The following RAB5C variants were observed in gnomAD, a reference collection of about 807,000 sequenced individuals.
RAB5C encodes ras-related protein Rab-5C.
A neutral mutation model predicts 25.2 loss-of-function variants in RAB5C; 4 were observed. The observed-to-expected ratio is 0.16, with a 90% CI of 0.08 to 0.36. RAB5C has a LOEUF of 0.36. RAB5C is among the 10% of genes least tolerant of loss of function. RAB5C has a pLI of 1.00. For synonymous variants in RAB5C, 100 were observed against 106.4 expected, an observed-to-expected ratio of 0.94 and a Z score of 0.37; for missense variants, 199 against 283.8, an observed-to-expected ratio of 0.70 and a Z score of 2.15.
At chr17:42,142,333 C>T (rs868828238) in intron 1 of RAB5C, among the ~76,000 whole-genome samples, 1 of 152,092 alleles carries the variant, frequency 6.6e-6, no homozygotes, top group Non-Finnish European at 1.5e-5. Context: ...CCGCGCCCAG[C>T]CCACAAAGCA....
Position 42,125,747 on chromosome 17 carries a change from C to CGGAGGA in RAB5C, c.*30_*35dup, listed in dbSNP as rs782139860. The CGGAGGA allele has an allele frequency of 2.7e-6, 4 of 1,461,296 alleles. No individual in the cohort carries two copies. Among genetic ancestry groups the CGGAGGA allele is most frequent in the Non-Finnish European group, 2.8e-6 (3 of 1,067,926 alleles). 90.5% of individuals were successfully genotyped at this position (1,461,296 alleles called of 1,614,324 possible). A position where few individuals can be genotyped will look rare whatever the true frequency, so the allele number is the denominator to read the frequency against. Reference sequence around the variant, plus strand: ...GTGGATTCCAGTCGGGTCATTCAGGCGGAGGAGGCGGGGGCAGCGGGCAGG... The same window carrying CGGAGGA: ...GTGGATTCCAGTCGGGTCATTCAGGCGGAGGAGGAGGAGGCGGGGGCAGCGGGCAGG... On this transcript the variant is annotated 3_prime_UTR_variant, in exon 6 of 6. Coordinates refer to ENST00000346213, the MANE Select transcript of RAB5C (RefSeq NM_004583.4).
At chr17:42,141,090 A>C (rs1401927520) in intron 1 of RAB5C, among the ~76,000 whole-genome samples, 1 of 152,152 alleles carries the variant, frequency 6.6e-6, no homozygotes, top group Non-Finnish European at 1.5e-5. Flanking sequence ...CAGCCTCCCA[A>C]AGTGCTGCGA....
At chr17:42,147,189 C>T (rs1244181574) in intron 1 of RAB5C, among the ~76,000 whole-genome samples, 2 of 151,680 alleles carry the variant, frequency 1.3e-5, no homozygotes, top group Non-Finnish European at 2.9e-5. Context: ...AAAGACCAGC[C>T]TCAAGGTGAG....
chr17:42,133,698 C>T (rs754067980), intron 1 of RAB5C, among the ~76,000 whole-genome samples: 10 of 152,232 alleles, frequency 6.6e-5, no homozygotes, highest in Non-Finnish European at 1.5e-4. Context: ...ACTTCTGAAT[C>T]ACTTTGTAGA....
intron 1 of RAB5C, among the ~76,000 whole-genome samples, chr17:42,151,972 C>T (rs543978509): frequency 4.6e-5 from 7 of 152,104 alleles, no homozygotes; most frequent in East Asian, 1.9e-4. Context: ...CAAACCAGGC[C>T]GAAGAAGGGC....
In RAB5C at chr17:42,125,418, A is replaced by C; in HGVS notation, c.*365T>G. The C allele has an allele frequency of 5.7e-6, 1 of 175,362 alleles. No individual in the cohort carries two copies. Among genetic ancestry groups the C allele is most frequent in the Non-Finnish European group, 1.2e-5 (1 of 82,244 alleles). The allele number at this position is 175,362 out of a possible 1,614,324, so 10.9% of individuals were successfully genotyped here. A position where few individuals can be genotyped will look rare whatever the true frequency, so the allele number is the denominator to read the frequency against. ...TGGGTCCGCTGTTCCGCAGGAGGGA[A>C]AGAAAGGGTAGCTGCACTGACCCCA... is the stretch of plus-strand genomic sequence containing the variant. On this transcript the variant is annotated 3_prime_UTR_variant, in exon 6 of 6. Coordinates refer to ENST00000346213, the MANE Select transcript of RAB5C (RefSeq NM_004583.4).
intron 1 of RAB5C, chr17:42,131,558 C>G (rs1326492140): frequency 6.7e-7 from 1 of 1,497,162 alleles, no homozygotes; most frequent in Admixed American, 2.0e-5. Context: ...AAAGTCATAG[C>G]TCTGCCACAG....
chr17:42,128,530 T>TGGGGGGGGGGGGGGGGG, intron 3 of RAB5C, 119 bp downstream of exon 3: 2 of 730,792 alleles, frequency 2.7e-6, no homozygotes, highest in Non-Finnish European at 4.1e-6. Context: ...ACAGGAAATC[T>TGGGGGGGGGGGGGGGGG]GCCCACCCCC....
At chr17:42,132,003 G>A (rs2054491270) in intron 1 of RAB5C, among the ~76,000 whole-genome samples, 2 of 152,200 alleles carry the variant, frequency 1.3e-5, no homozygotes, top group Non-Finnish European at 2.9e-5. Context: ...TTGCATAATG[G>A]AGTCTAAGAT....
intron 1 of RAB5C, among the ~76,000 whole-genome samples, chr17:42,145,183 GA>G (rs915136271): frequency 6.6e-6 from 1 of 151,614 alleles, no homozygotes; most frequent in African/African-American, 2.4e-5. Context: ...AAAAAAAACA[GA>G]AAAAGAAAAA....
intron 1 of RAB5C, among the ~76,000 whole-genome samples, chr17:42,132,029 G>A (rs767611025): frequency 2.0e-4 from 30 of 152,158 alleles, no homozygotes; most frequent in Non-Finnish European, 3.8e-4. Context: ...GGAGAGCCCC[G>A]ATCTGCCCCT....
chr17:42,153,392 G>A (rs2079684627), intron 1 of RAB5C, among the ~76,000 whole-genome samples: 2 of 152,146 alleles, frequency 1.3e-5, no homozygotes, highest in Admixed American at 1.3e-4. Context: ...ACTCCAGCCT[G>A]GGCGACAGAG....
At chr17:42,137,389 T>C (rs1455061246) in intron 1 of RAB5C, among the ~76,000 whole-genome samples, 1 of 151,582 alleles carries the variant, frequency 6.6e-6, no homozygotes, top group Non-Finnish European at 1.5e-5. Context: ...GAGTGTATAA[T>C]AATATAAAAA....
At chr17:42,143,529 C>A (rs910284685) in intron 1 of RAB5C, among the ~76,000 whole-genome samples, 1 of 151,986 alleles carries the variant, frequency 6.6e-6, no homozygotes, top group Non-Finnish European at 1.5e-5. Flanking sequence ...CCCAGCTACT[C>A]AGGAGGTTGA....
At chr17:42,128,852 A>G in intron 2 of RAB5C, 52 bp from the exon 3 acceptor site, 2 of 1,367,734 alleles carry the variant, frequency 1.5e-6, no homozygotes, top group East Asian at 2.7e-5. Context: ...AATCCACCCC[A>G]CACAATCCCA....
chr17:42,130,010 G>A (rs764964234), intron 2 of RAB5C, among the ~76,000 whole-genome samples: 7 of 152,212 alleles, frequency 4.6e-5, no homozygotes, highest in Non-Finnish European at 1.0e-4. Flanking sequence ...GTAAGAAGGG[G>A]CCTCAAAGAT....
intron 1 of RAB5C, among the ~76,000 whole-genome samples, chr17:42,146,932 G>C (rs2079638655): frequency 2.0e-5 from 3 of 151,768 alleles, no homozygotes; most frequent in Admixed American, 2.0e-4. Flanking sequence ...CATGAACCCG[G>C]GAGCTTGCAG....
chr17:42,146,276 C>A (rs1352590225), intron 1 of RAB5C, among the ~76,000 whole-genome samples: 4 of 152,122 alleles, frequency 2.6e-5, no homozygotes, highest in Non-Finnish European at 4.4e-5. Flanking sequence ...CTAAGGAAAT[C>A]TGAATAAAGG....
intron 1 of RAB5C, among the ~76,000 whole-genome samples, chr17:42,152,741 T>C (rs2079680173): frequency 6.7e-6 from 1 of 149,746 alleles, no homozygotes; most frequent in African/African-American, 2.5e-5. Flanking sequence ...ATTGTGCCAC[T>C]GCACTCCAGC....
Sources: allele counts gnomAD v4.1 joint callset (sites outside exome capture counted in the v4.1 genomes callset), GRCh38; gene constraint gnomAD v4.1.1; transcripts MANE v1.5; gene names NCBI Gene and HGNC (gene_info 2026-07-23, HGNC 2026-07-21).